DAPL1: variants seen among roughly 807,000 people sequenced by gnomAD.
DAPL1 encodes the protein death-associated protein-like 1.
DAPL1 carries 17 observed loss-of-function variants against 12.9 expected under a neutral mutation model. That is an observed-to-expected ratio of 1.32 (90% confidence interval 0.90 to 1.98). DAPL1 has a LOEUF of 1.98. Among genes scored for constraint, DAPL1 ranks in the 30% most tolerant of loss-of-function variants. The pLI is 0.00. For missense variants in DAPL1, 157 were observed against 125.7 expected, an observed-to-expected ratio of 1.25 and a Z score of -1.19; for synonymous variants, 51 against 42.0, an observed-to-expected ratio of 1.21 and a Z score of -0.82.
At chr2:158,801,202 C>T (rs2059165593) in intron 1 of DAPL1, among the ~76,000 whole-genome samples, 1 of 152,022 alleles carries the variant, frequency 6.6e-6, no homozygotes, top group Admixed American at 6.6e-5. Flanking sequence ...AATAATTAAT[C>T]CAGGTAGAAG....
chr2:158,796,748 A>C (rs2059136683), intron 1 of DAPL1, among the ~76,000 whole-genome samples: 1 of 152,220 alleles, frequency 6.6e-6, no homozygotes. Context: ...TAACCAAATG[A>C]AAGTTCGAAT....
At chr2:158,809,891 C>G (rs1337845792) in intron 3 of DAPL1, among the ~76,000 whole-genome samples, 1 of 152,078 alleles carries the variant, frequency 6.6e-6, no homozygotes, top group Non-Finnish European at 1.5e-5. Context: ...AACCTGAAAC[C>G]TAGTAAGATT....
intron 1 of DAPL1, among the ~76,000 whole-genome samples, chr2:158,799,350 C>T (rs903808896): frequency 6.6e-6 from 1 of 152,046 alleles, no homozygotes; most frequent in South Asian, 2.1e-4. Context: ...GCAGGATAGT[C>T]CCAAACATGG....
intron 1 of DAPL1, among the ~76,000 whole-genome samples, chr2:158,801,583 C>A (rs1559042662): frequency 6.6e-6 from 1 of 151,450 alleles, no homozygotes; most frequent in African/African-American, 2.4e-5. Flanking sequence ...AAAGAATGTG[C>A]ATATATATAT....
intron 1 of DAPL1, among the ~76,000 whole-genome samples, chr2:158,796,626 A>G (rs1391289398): frequency 6.6e-6 from 1 of 152,246 alleles, no homozygotes; most frequent in Non-Finnish European, 1.5e-5. Flanking sequence ...GACAAAAGAA[A>G]AAAGAACTCC....
At chr2:158,802,365 A>G (rs1434472896) in intron 1 of DAPL1, among the ~76,000 whole-genome samples, 1 of 152,252 alleles carries the variant, frequency 6.6e-6, no homozygotes, top group Non-Finnish European at 1.5e-5. Context: ...AATCACCTCC[A>G]TCTTAGAATG....
At chr2:158,796,778 T>C (rs1436007642) in intron 1 of DAPL1, among the ~76,000 whole-genome samples, 1 of 152,198 alleles carries the variant, frequency 6.6e-6, no homozygotes, top group Non-Finnish European at 1.5e-5. Context: ...GGGAACTTTC[T>C]GTCCCCACCA....
chr2:158,797,742 G>T (rs1273495588), intron 1 of DAPL1, among the ~76,000 whole-genome samples: 1 of 151,638 alleles, frequency 6.6e-6, no homozygotes, highest in African/African-American at 2.4e-5. Flanking sequence ...GGTGAGCAGA[G>T]ATCACGCCAC....
intron 3 of DAPL1, among the ~76,000 whole-genome samples, chr2:158,812,063 C>T (rs2105156664): frequency 1.3e-5 from 2 of 152,260 alleles, no homozygotes; most frequent in African/African-American, 4.8e-5. Flanking sequence ...ATCAGGATGC[C>T]CCTGACTGAG....
chr2:158,798,946 T>G (rs2059150188), intron 1 of DAPL1, among the ~76,000 whole-genome samples: 1 of 152,142 alleles, frequency 6.6e-6, no homozygotes, highest in Admixed American at 6.5e-5. Context: ...AAGCCTAATT[T>G]TTTTGCAGGC....
At chr2:158,801,334 G>A (rs1297034355) in intron 1 of DAPL1, among the ~76,000 whole-genome samples, 2 of 152,144 alleles carry the variant, frequency 1.3e-5, no homozygotes, top group South Asian at 2.1e-4. Flanking sequence ...GTTGGGAGGT[G>A]TATCAAAGGC....
intron 1 of DAPL1, among the ~76,000 whole-genome samples, chr2:158,799,360 G>A (rs895159567): frequency 4.6e-5 from 7 of 152,020 alleles, no homozygotes; most frequent in African/African-American, 1.7e-4. Flanking sequence ...CCCAAACATG[G>A]AGTTACGTAA....
chr2:158,811,461 C>T (rs2059230006), intron 3 of DAPL1, among the ~76,000 whole-genome samples: 2 of 152,134 alleles, frequency 1.3e-5, no homozygotes, highest in African/African-American at 4.8e-5. Flanking sequence ...GGCTCTAAAA[C>T]AAAACCTGCA....
intron 1 of DAPL1, among the ~76,000 whole-genome samples, 181 bp downstream of exon 1, chr2:158,795,611 G>C (rs549732023): frequency 9.2e-5 from 14 of 152,236 alleles, no homozygotes; most frequent in African/African-American, 3.4e-4. Context: ...AAATCCACCC[G>C]GGGATTTGTC....
intron 3 of DAPL1, among the ~76,000 whole-genome samples, chr2:158,811,199 G>A (rs1458614432): frequency 1.3e-5 from 2 of 152,206 alleles, no homozygotes; most frequent in East Asian, 1.9e-4. Flanking sequence ...CCAGTGAGAT[G>A]TATGTGAAAT....
chr2:158,800,524 T>C (rs924376269), intron 1 of DAPL1, among the ~76,000 whole-genome samples: 3 of 152,182 alleles, frequency 2.0e-5, no homozygotes, highest in Admixed American at 6.5e-5. Flanking sequence ...TTATTCCCCA[T>C]TGAAGGACGT....
rs192741837 is a variant in DAPL1 at position 158,814,589 on chromosome 2, G to A, written c.208-1116G>A. On this transcript the variant is annotated intron_variant, in intron 3 of 3. Coordinates refer to ENST00000309950, the MANE Select transcript of DAPL1 (RefSeq NM_001017920.3). ...AAAACCAAGAAGAAAGGACTTTTTG[G>A]AGTCACATTTCGTATGAAAGGGACT... Among the ~76,000 whole-genome samples, 139 of 152,288 alleles carry A rather than the reference G, an allele frequency of 9.1e-4. 2 individuals carry two copies. Among genetic ancestry groups the A allele is most frequent in the Non-Finnish European group, 1.6e-3 (110 of 68,024 alleles).
At chr2:158,815,603 T>C in intron 3 of DAPL1, 102 bp from the exon 4 acceptor site, 2 of 787,268 alleles carry the variant, frequency 2.5e-6, no homozygotes, top group Non-Finnish European at 4.4e-6. Context: ...ATAAACAAAA[T>C]TGTGAGATTC....
intron 1 of DAPL1, 57 bp from the exon 2 acceptor site, chr2:158,804,225 C>A: frequency 8.3e-7 from 1 of 1,206,128 alleles, no homozygotes; most frequent in Middle Eastern, 2.2e-4. Context: ...CCTTTAATAA[C>A]AAAGCAAGCC....
Sources: gnomAD v4.1 joint callset for allele counts (sites outside exome capture counted in the v4.1 genomes callset) on GRCh38, gnomAD v4.1.1 for gene constraint, MANE v1.5 for transcripts, NCBI Gene and HGNC (gene_info 2026-07-23, HGNC 2026-07-21) for gene names.